ZDHHC11B: variants seen among roughly 807,000 people sequenced by gnomAD.
ZDHHC11B encodes the protein zDHHC palmitoyltransferase 11B (putative).
A neutral mutation model predicts 42.3 loss-of-function variants in ZDHHC11B; 17 were observed. The ratio of observed to expected loss-of-function variants is 0.40; its 90% CI spans 0.27 to 0.60. The LOEUF (loss-of-function observed/expected upper bound fraction) is 0.60, where lower values mean the gene tolerates loss of function less well. ZDHHC11B is among the 20% of genes least tolerant of loss of function. The pLI, the probability that ZDHHC11B is intolerant of heterozygous loss-of-function variation, is 0.41. For synonymous variants in ZDHHC11B, 123 were observed against 193.5 expected, an observed-to-expected ratio of 0.64 and a Z score of 3.02; for missense variants, 262 against 463.2, an observed-to-expected ratio of 0.57 and a Z score of 3.99.
At chr5:776,976 A>G (rs1736555619) in intron 1 of ZDHHC11B, among the ~76,000 whole-genome samples, 1 of 151,888 alleles carries the variant, frequency 6.6e-6, no homozygotes, top group East Asian at 1.9e-4. Context: ...CCCAATCAGA[A>G]CAAAGCTGGC....
chr5:767,409 G>A lies in ZDHHC11B; in HGVS notation c.-18C>T, dbSNP rs1269472450. On this transcript the variant is annotated 5_prime_UTR_variant, in exon 3 of 14. Transcript: ENST00000508859. ...ACACCTGCCTCGGCGCACACTGCACGCCTGTCTCATCTCCGTAGGCTGAGT... is the reference window on the plus strand; with the variant it reads ...ACACCTGCCTCGGCGCACACTGCACACCTGTCTCATCTCCGTAGGCTGAGT... The A allele has an allele frequency of 1.3e-5, 20 of 1,572,164 alleles. No homozygotes were observed. Among genetic ancestry groups the A allele is most frequent in the African/African-American group, 6.8e-5 (5 of 73,944 alleles).
At chr5:718,180 G>T (rs556161264) in intron 12 of ZDHHC11B, among the ~76,000 whole-genome samples, 1 of 151,976 alleles carries the variant, frequency 6.6e-6, no homozygotes, top group Admixed American at 6.6e-5. Flanking sequence ...GAAGAATGTA[G>T]ATAACTGTGT....
chr5:728,121 T>C (rs955434935), intron 12 of ZDHHC11B, among the ~76,000 whole-genome samples: 4 of 151,754 alleles, frequency 2.6e-5, no homozygotes, highest in African/African-American at 9.7e-5. Context: ...AGCTAATTCA[T>C]ACAAGAGGAA....
intron 11 of ZDHHC11B, among the ~76,000 whole-genome samples, chr5:733,535 C>T (rs1202662220): frequency 1.3e-5 from 2 of 151,698 alleles, no homozygotes; most frequent in African/African-American, 2.4e-5. Flanking sequence ...ACTTTGGTAC[C>T]CATCTGTCTC....
chr5:749,009 G>A (rs1180999000), intron 7 of ZDHHC11B, among the ~76,000 whole-genome samples: 10 of 43,184 alleles, frequency 2.3e-4, no homozygotes, highest in East Asian at 1.6e-3. Flanking sequence ...CTCACTAAGT[G>A]CTGGGGTCAC....
At chr5:783,361 C>A (rs1736997209) in intron 1 of ZDHHC11B, among the ~76,000 whole-genome samples, 1 of 152,402 alleles carries the variant, frequency 6.6e-6, no homozygotes, top group Admixed American at 6.5e-5. Context: ...CACTTCCTGC[C>A]CCTTCCCGGC....
At chr5:748,659 G>A in intron 7 of ZDHHC11B, 100 bp from the exon 8 acceptor site, 1 of 1,209,656 alleles carries the variant, frequency 8.3e-7, no homozygotes. Context: ...GGGGCGGCGT[G>A]GAGACAGCCA....
At chr5:724,662 TAC>T (rs58690111) in intron 12 of ZDHHC11B, among the ~76,000 whole-genome samples, 75,405 of 144,614 alleles carry the variant, frequency 0.52, 17,310 homozygotes, top group Middle Eastern at 0.64. Context: ...GACCATCAGT[TAC>T]ACACACACAC....
intron 13 of ZDHHC11B, among the ~76,000 whole-genome samples, 151 bp downstream of exon 13, chr5:716,650 T>G (rs1367545289): frequency 2.0e-5 from 3 of 151,778 alleles, no homozygotes; most frequent in Non-Finnish European, 4.4e-5. Context: ...ACACGGTTCC[T>G]GTTCTGGGGT....
chr5:754,171 AG>A, intron 6 of ZDHHC11B, among the ~76,000 whole-genome samples: 1 of 113,164 alleles, frequency 8.8e-6, no homozygotes, highest in South Asian at 3.6e-4. Flanking sequence ...CACCATGCTC[AG>A]GGGAAACATC....
intron 10 of ZDHHC11B, among the ~76,000 whole-genome samples, chr5:736,718 C>T (rs1397756962): frequency 7.5e-6 from 1 of 133,752 alleles, no homozygotes; most frequent in Non-Finnish European, 1.6e-5. Context: ...TCTGAATGAT[C>T]TTTGGGTCGA....
At chr5:774,334 G>A (rs1345036197) in intron 1 of ZDHHC11B, among the ~76,000 whole-genome samples, 1 of 152,176 alleles carries the variant, frequency 6.6e-6, no homozygotes, top group Non-Finnish European at 1.5e-5. Context: ...TCCAGGGGCT[G>A]GAAACCCGGG....
chr5:728,132 C>T (rs1579263077), intron 12 of ZDHHC11B, among the ~76,000 whole-genome samples: 1 of 151,718 alleles, frequency 6.6e-6, no homozygotes, highest in Admixed American at 6.6e-5. Flanking sequence ...ACAAGAGGAA[C>T]TGTGAAACAG....
In ZDHHC11B at chr5:733,441, C is replaced by T. The variant is rs112579015; in HGVS notation, c.1023+311G>A. Among the ~76,000 whole-genome samples, 267 of 151,758 alleles carry T rather than the reference C, an allele frequency of 1.8e-3. 8 individuals carry two copies. Among genetic ancestry groups the T allele is most frequent in the African/African-American group, 6.0e-3 (246 of 41,202 alleles). Reference sequence around the variant, plus strand: ...TTTATCACAGCACTGTCCCTCGCTGCATGTTCTGGGCACTTCAGACCCTGC... The same window carrying T: ...TTTATCACAGCACTGTCCCTCGCTGTATGTTCTGGGCACTTCAGACCCTGC... On this transcript the variant is annotated intron_variant, in intron 11 of 13. Transcript: ENST00000508859.
chr5:783,401 G>A (rs1310368437), intron 1 of ZDHHC11B, among the ~76,000 whole-genome samples: 1 of 151,948 alleles, frequency 6.6e-6, no homozygotes. Context: ...CTAGTCCCAG[G>A]CCACAGGGAG....
chr5:767,535 G>A lies in ZDHHC11B; in HGVS notation c.-133-11C>T. ...TGGAGAGAAAGGTGACTGGGAGGAAGAGGAGAAAGAGAGCATCACTGGACT... is the reference window on the plus strand; with the variant it reads ...TGGAGAGAAAGGTGACTGGGAGGAAAAGGAGAAAGAGAGCATCACTGGACT... On this transcript the variant is annotated splice_polypyrimidine_tract_variant and intron_variant, in intron 2 of 13. Coordinates refer to ENST00000508859, the MANE Select transcript of ZDHHC11B (RefSeq NM_001351303.2). The A allele has an allele frequency of 7.7e-6, 11 of 1,435,218 alleles. 1 individual carries two copies. Among genetic ancestry groups the A allele is most frequent in the Non-Finnish European group, 1.0e-5 (11 of 1,050,546 alleles). 88.9% of individuals were successfully genotyped at this position (1,435,218 alleles called of 1,614,324 possible). A position where few individuals can be genotyped will look rare whatever the true frequency, so the allele number is the denominator to read the frequency against.
At position 776,088 on chromosome 5, in the gene ZDHHC11B, G is replaced by A. The variant is rs1376163407; in HGVS notation, c.-229-7158C>T. On this transcript the variant is annotated intron_variant, in intron 1 of 13. Transcript: ENST00000508859. Reference sequence around the variant, plus strand: ...AACCTTTACGCCCAAGTCCTGTCCAGGGGGAGCACCCTCCACCCCAGGCTG... The same window carrying A: ...AACCTTTACGCCCAAGTCCTGTCCAAGGGGAGCACCCTCCACCCCAGGCTG... Among the ~76,000 whole-genome samples the A allele has an allele frequency of 3.9e-4, 59 of 150,258 alleles. 2 individuals are homozygous for A. Among genetic ancestry groups the A allele is most frequent in the African/African-American group, 1.4e-3 (58 of 40,486 alleles).
At chr5:760,304 A>C (rs1379871328) in intron 4 of ZDHHC11B, among the ~76,000 whole-genome samples, 1 of 151,766 alleles carries the variant, frequency 6.6e-6, no homozygotes, top group Non-Finnish European at 1.5e-5. Context: ...TAATCCTGTC[A>C]GGGCAAGGTC....
Position 749,433 on chromosome 5 carries a change from G to A in ZDHHC11B, c.629-874C>T, listed in dbSNP as rs1458910463. 9.2e-5 allele frequency among the ~76,000 whole-genome samples: 12 copies of A among 130,044 alleles called. 4 individuals are homozygous for A. Among genetic ancestry groups the A allele is most frequent in the Admixed American group, 6.2e-4 (7 of 11,250 alleles). The allele number at this position is 130,044 out of a possible 152,430, so 85.3% of individuals were successfully genotyped here. A position where few individuals can be genotyped will look rare whatever the true frequency, so the allele number is the denominator to read the frequency against. On this transcript the variant is annotated intron_variant, in intron 7 of 13. Transcript: ENST00000508859. ...TTCAGTGTGGATGTCTTTGGGTGACGGACCCTCTCTGGAACTGGCGGCCTT... is the reference window on the plus strand; with the variant it reads ...TTCAGTGTGGATGTCTTTGGGTGACAGACCCTCTCTGGAACTGGCGGCCTT...
Sources: gnomAD v4.1 joint callset for allele counts (sites outside exome capture counted in the v4.1 genomes callset) on GRCh38, gnomAD v4.1.1 for gene constraint, MANE v1.5 for transcripts, NCBI Gene and HGNC (gene_info 2026-07-23, HGNC 2026-07-21) for gene names.